The following NEGR1 variants were observed in gnomAD, a reference collection of about 807,000 sequenced individuals.
NEGR1 encodes the protein neuronal growth regulator 1, also known as IgLON family member 4.
A neutral mutation model predicts 40.9 loss-of-function variants in NEGR1; 10 were observed. The observed-to-expected ratio is 0.24, with a 90% confidence interval of 0.15 to 0.42. The LOEUF is 0.42. Among genes scored for constraint, NEGR1 ranks in the 10% least tolerant of loss-of-function variants. The pLI is 1.00. For synonymous variants in NEGR1, 185 were observed against 166.8 expected, an observed-to-expected ratio of 1.11 and a Z score of -0.84; for missense variants, 352 against 438.9, an observed-to-expected ratio of 0.80 and a Z score of 1.77.
At chr1:72,080,804 G>A (rs947420838) in intron 1 of NEGR1, among the ~76,000 whole-genome samples, 1 of 151,982 alleles carries the variant, frequency 6.6e-6, no homozygotes, top group Admixed American at 6.6e-5. Context: ...GACTTTTACA[G>A]AAAAAAGCTA....
chr1:71,983,816 C>G (rs936907810), intron 1 of NEGR1, among the ~76,000 whole-genome samples: 1 of 152,092 alleles, frequency 6.6e-6, no homozygotes. Flanking sequence ...GGATCATACT[C>G]CATTTTATTT....
At chr1:72,021,691 T>C (rs530612094) in intron 1 of NEGR1, among the ~76,000 whole-genome samples, 4 of 151,992 alleles carry the variant, frequency 2.6e-5, no homozygotes, top group Admixed American at 6.5e-5. Flanking sequence ...ACTCAAAAAG[T>C]GGAAGGAGAA....
At chr1:71,929,852 C>G (rs1372795460) in intron 2 of NEGR1, among the ~76,000 whole-genome samples, 1 of 151,664 alleles carries the variant, frequency 6.6e-6, no homozygotes, top group Non-Finnish European at 1.5e-5. Flanking sequence ...CAGTGTGCAC[C>G]TTGTCAAGGC....
chr1:71,905,310 GTAATT>G (rs925913338), intron 2 of NEGR1, among the ~76,000 whole-genome samples: 3 of 151,674 alleles, frequency 2.0e-5, no homozygotes, highest in Non-Finnish European at 4.4e-5. Context: ...AAATTAAAAA[GTAATT>G]TATTTGAATT....
chr1:71,848,178 A>G (rs1355694498), intron 2 of NEGR1, among the ~76,000 whole-genome samples: 1 of 152,206 alleles, frequency 6.6e-6, no homozygotes, highest in East Asian at 1.9e-4. Context: ...ATGAGGTTCA[A>G]GGAAAGAAGC....
At chr1:71,548,537 C>T (rs1394333876) in intron 6 of NEGR1, among the ~76,000 whole-genome samples, 1 of 151,666 alleles carries the variant, frequency 6.6e-6, no homozygotes, top group Non-Finnish European at 1.5e-5. Flanking sequence ...AGCTTCTTGT[C>T]GCTGTTTCAA....
chr1:72,144,067 G>A (rs1378225257), intron 1 of NEGR1, among the ~76,000 whole-genome samples: 1 of 66,726 alleles, frequency 1.5e-5, no homozygotes, highest in East Asian at 4.1e-4. Context: ...CAAATGCTGT[G>A]AGGTAAGATT....
chr1:71,612,192 A>G (rs1050910073), intron 4 of NEGR1, among the ~76,000 whole-genome samples: 2 of 152,254 alleles, frequency 1.3e-5, no homozygotes, highest in Admixed American at 6.5e-5. Context: ...ACTGCACTCC[A>G]GCCTGGGCGA....
chr1:71,944,484 G>A (rs897706357), intron 1 of NEGR1, among the ~76,000 whole-genome samples: 5 of 152,002 alleles, frequency 3.3e-5, no homozygotes, highest in African/African-American at 7.3e-5. Flanking sequence ...ATTGCAGCTC[G>A]TCTCCCTTCC....
chr1:71,744,156 A>G (rs1261306086), intron 3 of NEGR1, among the ~76,000 whole-genome samples: 1 of 151,908 alleles, frequency 6.6e-6, no homozygotes, highest in Admixed American at 6.6e-5. Flanking sequence ...TTAGCCTCAG[A>G]CTACACGAAG....
intron 4 of NEGR1, among the ~76,000 whole-genome samples, chr1:71,631,383 T>C (rs187704702): frequency 6.6e-6 from 1 of 151,954 alleles, no homozygotes; most frequent in Admixed American, 6.6e-5. Flanking sequence ...CTAATTTACA[T>C]TCTAAAGATA....
chr1:71,567,266 G>C (rs1648650740), intron 6 of NEGR1, among the ~76,000 whole-genome samples: 1 of 152,000 alleles, frequency 6.6e-6, no homozygotes. Context: ...GATAAAAATG[G>C]ATTAAGTATT....
chr1:72,252,250 G>C (rs1370848182), intron 1 of NEGR1, among the ~76,000 whole-genome samples: 1 of 151,892 alleles, frequency 6.6e-6, no homozygotes, highest in East Asian at 1.9e-4. Context: ...CTCCATGTGG[G>C]TCAGGCTGGT....
rs72262470 is a variant in NEGR1 at position 71,561,928 on chromosome 1, C to CTTT, written c.940+30886_940+30888dup. 2.5e-3 allele frequency among the ~76,000 whole-genome samples: 354 copies of CTTT among 140,008 alleles called. 2 individuals carry two copies. The highest frequency in any genetic ancestry group is 7.1e-3 in the Middle Eastern group (2 of 282). 91.9% of individuals were successfully genotyped at this position (140,008 alleles called of 152,430 possible). A position where few individuals can be genotyped will look rare whatever the true frequency, so the allele number is the denominator to read the frequency against. ...CTGTTAAATTGCCTTTTTGCTAGAG[C>CTTT]TTTTTTTTTTTTTTTTAAAGAACTT... On this transcript the variant is annotated intron_variant, in intron 6 of 6. Transcript: ENST00000357731.
chr1:72,107,700 G>A (rs1172203484), intron 1 of NEGR1, among the ~76,000 whole-genome samples: 1 of 151,078 alleles, frequency 6.6e-6, no homozygotes. Flanking sequence ...AAATGACTAT[G>A]TAGAATGACA....
At chr1:71,745,996 TGA>T (rs1206193233) in intron 3 of NEGR1, among the ~76,000 whole-genome samples, 1 of 152,200 alleles carries the variant, frequency 6.6e-6, no homozygotes, top group Non-Finnish European at 1.5e-5. Flanking sequence ...CAGACCTTGC[TGA>T]GTTTCCCCCC....
intron 6 of NEGR1, among the ~76,000 whole-genome samples, chr1:71,447,927 C>T (rs1045039820): frequency 6.6e-6 from 1 of 152,030 alleles, no homozygotes; most frequent in Non-Finnish European, 1.5e-5. Flanking sequence ...TAAGAAAAAA[C>T]TAAAAGAAAA....
chr1:72,207,047 T>C (rs904792490), intron 1 of NEGR1, among the ~76,000 whole-genome samples: 3 of 138,004 alleles, frequency 2.2e-5, no homozygotes, highest in Admixed American at 1.5e-4. Flanking sequence ...GAATTGGAAA[T>C]AAGTGTTTGA....
chr1:71,725,985 C>A (rs1254939960), intron 3 of NEGR1, among the ~76,000 whole-genome samples: 1 of 152,082 alleles, frequency 6.6e-6, no homozygotes, highest in Non-Finnish European at 1.5e-5. Context: ...CCATCCTCAA[C>A]AAGTGGACAT....
Sources: gnomAD v4.1 joint callset for allele counts (sites outside exome capture counted in the v4.1 genomes callset) on GRCh38, gnomAD v4.1.1 for gene constraint, MANE v1.5 for transcripts, NCBI Gene and HGNC (gene_info 2026-07-23, HGNC 2026-07-21) for gene names.